CDH4: variants seen among roughly 807,000 people sequenced by gnomAD.
The protein encoded by CDH4 is cadherin-4.
A neutral mutation model predicts 86.0 loss-of-function variants in CDH4; 33 were observed. That is an observed-to-expected ratio of 0.38 (90% CI 0.29 to 0.51). The LOEUF is 0.51. Ranked by LOEUF, CDH4 falls within the 20% of genes least tolerant of loss-of-function variation. The pLI is 0.86. For missense variants in CDH4, 1,114 were observed against 1,307.4 expected (o/e 0.85, Z 2.28); for synonymous variants, 555 against 549.4 (o/e 1.01, Z -0.14).
chr20:61,656,615 C>T (rs142579866), intron 2 of CDH4, among the ~76,000 whole-genome samples: 7 of 152,254 alleles, frequency 4.6e-5, no homozygotes, highest in Non-Finnish European at 8.8e-5. Flanking sequence ...GTCATAGGGG[C>T]CTCTGGGCTC....
chr20:61,714,182 A>G (rs999882949), intron 2 of CDH4, among the ~76,000 whole-genome samples: 7 of 151,854 alleles, frequency 4.6e-5, no homozygotes, highest in African/African-American at 1.7e-4. Context: ...AAGTAGCTGG[A>G]ACTACAGGCA....
At position 61,663,897 on chromosome 20, in the gene CDH4, C is replaced by T. The variant is rs554201226; in HGVS notation, c.170-79666C>T. 1.3e-5 allele frequency among the ~76,000 whole-genome samples: 2 copies of T among 152,318 alleles called. No homozygotes were observed. Among genetic ancestry groups the T allele is most frequent in the East Asian group, 3.9e-4 (2 of 5,168 alleles). ...CCCTCCACACTCCCACCGCTGGCGC[C>T]AGCATCTGTGCCCGCGGCAGTTTAG... is the stretch of plus-strand genomic sequence containing the variant. On this transcript the variant is annotated intron_variant, in intron 2 of 15. Transcript: ENST00000614565. The surrounding 1 kb of genome is among the most constrained non-coding windows in gnomAD (Gnocchi z 5.0).
intron 2 of CDH4, among the ~76,000 whole-genome samples, chr20:61,461,115 G>T (rs1159071905): frequency 6.6e-6 from 1 of 152,028 alleles, no homozygotes; most frequent in Non-Finnish European, 1.5e-5. Flanking sequence ...CCTCTAAAAT[G>T]AATGTTGGAA....
At chr20:61,284,414 CAG>C (rs1232315575) in intron 2 of CDH4, among the ~76,000 whole-genome samples, 1 of 152,180 alleles carries the variant, frequency 6.6e-6, no homozygotes, top group African/African-American at 2.4e-5. Flanking sequence ...TGTGCAAACA[CAG>C]AGATTCACTG....
intron 2 of CDH4, among the ~76,000 whole-genome samples, chr20:61,495,572 A>C (rs2085655482): frequency 6.6e-6 from 1 of 152,190 alleles, no homozygotes; most frequent in Admixed American, 6.5e-5. Flanking sequence ...CGACAGAGCA[A>C]GACCTTGTCT....
At chr20:61,658,112 G>A (rs2087211650) in intron 2 of CDH4, among the ~76,000 whole-genome samples, 1 of 152,084 alleles carries the variant, frequency 6.6e-6, no homozygotes, top group Non-Finnish European at 1.5e-5. Flanking sequence ...GCTAAGATCT[G>A]GCTGCGCTGT....
In CDH4 at chr20:61,565,728, G is replaced by T. The variant is rs192060876; in HGVS notation, c.170-177835G>T. 2.6e-5 allele frequency among the ~76,000 whole-genome samples: 4 copies of T among 152,328 alleles called. No homozygotes were observed. The East Asian group carries it at 7.7e-4, about 29-fold the overall frequency. ...GTAAGGCAGTGCCAAGATACACAAT[G>T]CAGGGAAAGGCTCCAGCAGACCCTG... On this transcript the variant is annotated intron_variant, in intron 2 of 15. Transcript: ENST00000614565.
At chr20:61,388,357 C>T (rs1233938821) in intron 2 of CDH4, among the ~76,000 whole-genome samples, 2 of 152,244 alleles carry the variant, frequency 1.3e-5, no homozygotes, top group Admixed American at 6.5e-5. Context: ...TGCCCTTCAT[C>T]GGCTCCAAAG....
chr20:61,256,153 G>C (rs1397634912), intron 2 of CDH4, among the ~76,000 whole-genome samples: 1 of 152,112 alleles, frequency 6.6e-6, no homozygotes, highest in African/African-American at 2.4e-5. Flanking sequence ...AGGATCGTTT[G>C]GTTTACTGAG....
At chr20:61,420,844 G>A (rs545552233) in intron 2 of CDH4, among the ~76,000 whole-genome samples, 1 of 152,310 alleles carries the variant, frequency 6.6e-6, no homozygotes, top group Admixed American at 6.5e-5. Flanking sequence ...TAGGACAGGG[G>A]TGGCCCAGGT....
chr20:61,405,926 C>T (rs565527659), intron 2 of CDH4, among the ~76,000 whole-genome samples: 2 of 152,124 alleles, frequency 1.3e-5, no homozygotes, highest in African/African-American at 4.8e-5. Context: ...ATGATCCATC[C>T]GCCTCGGCCT....
intron 2 of CDH4, among the ~76,000 whole-genome samples, chr20:61,321,347 C>T (rs935532221): frequency 6.6e-6 from 1 of 151,908 alleles, no homozygotes; most frequent in Non-Finnish European, 1.5e-5. Flanking sequence ...ATTCCAGAGG[C>T]GGGGTTACTC....
At chr20:61,283,654 G>A (rs2084277351) in intron 2 of CDH4, among the ~76,000 whole-genome samples, 1 of 152,202 alleles carries the variant, frequency 6.6e-6, no homozygotes, top group Non-Finnish European at 1.5e-5. Flanking sequence ...GTGGATGGGA[G>A]GATATTTCCA....
rs1450551940 is a variant in CDH4, at chr20:61,377,808, T to A, written c.169+122871T>A. On this transcript the variant is annotated intron_variant, in intron 2 of 15. Coordinates refer to ENST00000614565, the MANE Select transcript of CDH4 (RefSeq NM_001794.5). This position sits in a 1 kb window ranked among gnomAD's most constrained non-coding sequence, Gnocchi z 4.0. ...GGTCGGTCCACTGGCCTGTGCCTTGTCCTTAGAAGGCTGGAGGCCTGTCCT... is the reference window on the plus strand; with the variant it reads ...GGTCGGTCCACTGGCCTGTGCCTTGACCTTAGAAGGCTGGAGGCCTGTCCT... Among the ~76,000 whole-genome samples the A allele has an allele frequency of 6.6e-6, 1 of 152,216 alleles. No homozygotes were observed.
intron 8 of CDH4, among the ~76,000 whole-genome samples, chr20:61,898,366 G>A (rs959049576): frequency 2.6e-5 from 4 of 152,214 alleles, no homozygotes; most frequent in African/African-American, 9.6e-5. Flanking sequence ...CACTGCCCAC[G>A]TGAGGCTGAG....
chr20:61,588,786 C>A (rs913422084), intron 2 of CDH4, among the ~76,000 whole-genome samples: 1 of 152,168 alleles, frequency 6.6e-6, no homozygotes, highest in African/African-American at 2.4e-5. Context: ...CGAGAAAAGC[C>A]GACAAAACCT....
At chr20:61,412,361 G>A (rs1046360891) in intron 2 of CDH4, among the ~76,000 whole-genome samples, 5 of 152,104 alleles carry the variant, frequency 3.3e-5, no homozygotes, top group African/African-American at 9.7e-5. Flanking sequence ...AACTGGCCAC[G>A]GTGGGAATAT....
At chr20:61,897,948 CG>C (rs532942986) in intron 8 of CDH4, among the ~76,000 whole-genome samples, 115 of 152,312 alleles carry the variant, frequency 7.6e-4, no homozygotes, top group African/African-American at 2.7e-3. Flanking sequence ...GTCAGGCCGG[CG>C]GGGTGACATG....
intron 2 of CDH4, among the ~76,000 whole-genome samples, chr20:61,552,784 A>G (rs1417504729): frequency 6.6e-6 from 1 of 152,154 alleles, no homozygotes; most frequent in Admixed American, 6.5e-5. Context: ...AAAGACAATA[A>G]CAAGTGTTGG....
Sources: allele counts gnomAD v4.1 joint callset (sites outside exome capture counted in the v4.1 genomes callset), GRCh38; gene constraint gnomAD v4.1.1; non-coding constraint Gnocchi (gnomAD v3.1); transcripts MANE v1.5; gene names NCBI Gene and HGNC (gene_info 2026-07-23, HGNC 2026-07-21).